The following ZNF536 variants were observed in gnomAD, a reference collection of about 807,000 sequenced individuals.
The protein encoded by ZNF536 is zinc finger protein 536.
ZNF536 carries 13 observed loss-of-function variants against 84.5 expected under a neutral mutation model. That is an observed-to-expected ratio of 0.15 (90% confidence interval 0.10 to 0.24). The LOEUF (loss-of-function observed/expected upper bound fraction) is 0.24. ZNF536 is among the 10% of genes least tolerant of loss of function. ZNF536 has a pLI of 1.00. For synonymous variants in ZNF536, 811 were observed against 742.5 expected, an observed-to-expected ratio of 1.09 and a Z score of -1.50; for missense variants, 1,536 against 1,747.5, an observed-to-expected ratio of 0.88 and a Z score of 2.16.
At chr19:30,407,849 C>T (rs1272210751) in intron 1 of ZNF536, among the ~76,000 whole-genome samples, 6 of 152,098 alleles carry the variant, frequency 3.9e-5, no homozygotes, top group Non-Finnish European at 5.9e-5. Flanking sequence ...TAATCCAGTC[C>T]CGTGGGTGGA....
intron 2 of ZNF536, among the ~76,000 whole-genome samples, chr19:30,347,625 C>T (rs920945098): frequency 2.0e-5 from 3 of 152,158 alleles, no homozygotes; most frequent in Non-Finnish European, 2.9e-5. Flanking sequence ...GGTCTGTGCT[C>T]TCAGCCACTG....
At chr19:30,239,779 C>A (rs530130762) in intron 1 of ZNF536, among the ~76,000 whole-genome samples, 2 of 152,192 alleles carry the variant, frequency 1.3e-5, no homozygotes, top group Non-Finnish European at 2.9e-5. Flanking sequence ...CCTTTCCTGT[C>A]CCTACCCCGC....
chr19:30,293,497 G>A (rs2045906153), intron 2 of ZNF536, among the ~76,000 whole-genome samples: 1 of 152,122 alleles, frequency 6.6e-6, no homozygotes, highest in South Asian at 2.1e-4. Flanking sequence ...CTCCTTTTAT[G>A]TTTGGGAATG....
intron 2 of ZNF536, among the ~76,000 whole-genome samples, chr19:30,312,579 A>T (rs750694106): frequency 6.6e-6 from 1 of 152,236 alleles, no homozygotes; most frequent in Non-Finnish European, 1.5e-5. Context: ...TACAAATAAA[A>T]ATCATAAAAT....
chr19:30,506,741 G>T (rs1042299056), intron 2 of ZNF536, among the ~76,000 whole-genome samples: 4 of 152,140 alleles, frequency 2.6e-5, no homozygotes, highest in Non-Finnish European at 4.4e-5. Flanking sequence ...TCCACAACTA[G>T]GTTTTATTTT....
intron 1 of ZNF536, among the ~76,000 whole-genome samples, chr19:30,651,379 C>T (rs1353486463): frequency 6.6e-6 from 1 of 152,208 alleles, no homozygotes; most frequent in African/African-American, 2.4e-5. Context: ...TTTGTTTACC[C>T]AGCTGCTATT....
intron 1 of ZNF536, among the ~76,000 whole-genome samples, chr19:30,420,849 C>G (rs1007096412): frequency 6.6e-6 from 1 of 152,166 alleles, no homozygotes; most frequent in Non-Finnish European, 1.5e-5. Flanking sequence ...TCTTTATCTT[C>G]AGAGGAAAAG....
chr19:30,658,923 C>T (rs761852708), intron 1 of ZNF536, among the ~76,000 whole-genome samples: 1 of 152,190 alleles, frequency 6.6e-6, no homozygotes, highest in Non-Finnish European at 1.5e-5. Context: ...TTGTTAGGTA[C>T]ATAAGTAAAC....
chr19:30,229,968 A>G (rs1458321204), intron 1 of ZNF536, among the ~76,000 whole-genome samples: 2 of 152,144 alleles, frequency 1.3e-5, no homozygotes, highest in East Asian at 3.9e-4. Flanking sequence ...AACTTTTAAG[A>G]CTTTCATTTC....
exon 2 of ZNF536, chr19:30,711,771 A>G (rs945123389): frequency 6.6e-6 from 1 of 152,116 alleles, no homozygotes; most frequent in African/African-American, 2.4e-5. Flanking sequence ...TTAAAAAAAA[A>G]TTTTGGATGA....
chr19:30,333,357 C>T (rs1167373873), intron 2 of ZNF536, among the ~76,000 whole-genome samples: 1 of 152,152 alleles, frequency 6.6e-6, no homozygotes, highest in South Asian at 2.1e-4. Context: ...TGATTCTGTC[C>T]TCTCTGTCCC....
intron 1 of ZNF536, among the ~76,000 whole-genome samples, chr19:30,603,334 T>G (rs2047759365): frequency 6.6e-6 from 1 of 152,210 alleles, no homozygotes; most frequent in African/African-American, 2.4e-5. Flanking sequence ...TAGCAGTATT[T>G]TGTGATTATA....
At chr19:30,507,847 G>A (rs368750079) in intron 2 of ZNF536, among the ~76,000 whole-genome samples, 2 of 152,088 alleles carry the variant, frequency 1.3e-5, no homozygotes, top group Admixed American at 1.3e-4. Flanking sequence ...TGTTTCATGC[G>A]CATACGTGAT....
chr19:30,412,400 T>C (rs974042302), intron 1 of ZNF536, among the ~76,000 whole-genome samples: 2 of 132,500 alleles, frequency 1.5e-5, no homozygotes, highest in African/African-American at 5.0e-5. Flanking sequence ...TATCAAGTGA[T>C]CTTGGGATGT....
intron 1 of ZNF536, among the ~76,000 whole-genome samples, chr19:30,570,401 G>A (rs1256567719): frequency 6.6e-6 from 1 of 152,194 alleles, no homozygotes; most frequent in East Asian, 1.9e-4. Context: ...GGTGGCAGGT[G>A]CAGAGGCAGC....
intron 1 of ZNF536, among the ~76,000 whole-genome samples, chr19:30,418,591 C>G (rs2050828475): frequency 6.6e-6 from 1 of 152,094 alleles, no homozygotes; most frequent in African/African-American, 2.4e-5. Flanking sequence ...TTTGGAACAC[C>G]TACATGTGTA....
chr19:30,253,240 T>C (rs1046165489), intron 1 of ZNF536, among the ~76,000 whole-genome samples: 1 of 152,186 alleles, frequency 6.6e-6, no homozygotes, highest in Non-Finnish European at 1.5e-5. Flanking sequence ...AAGGAAAAAT[T>C]GATTTTAAAA....
intron 1 of ZNF536, among the ~76,000 whole-genome samples, chr19:30,578,411 G>T (rs1239111658): frequency 1.3e-5 from 2 of 152,220 alleles, no homozygotes; most frequent in South Asian, 2.1e-4. Context: ...CAGGCATAAT[G>T]CCTGCCTTGG....
chr19:30,518,274 C>T (rs1018003655), intron 2 of ZNF536, among the ~76,000 whole-genome samples: 1 of 152,192 alleles, frequency 6.6e-6, no homozygotes, highest in South Asian at 2.1e-4. Flanking sequence ...CGAAGGGTAG[C>T]TTCAGTGTTC....
Sources: gnomAD v4.1 joint callset for allele counts (sites outside exome capture counted in the v4.1 genomes callset) on GRCh38, gnomAD v4.1.1 for gene constraint, MANE v1.5 for transcripts, NCBI Gene and HGNC (gene_info 2026-07-23, HGNC 2026-07-21) for gene names.